Variants in ERCC6L2 observed in about 807,000 individuals in gnomAD.
The protein encoded by ERCC6L2 is ERCC excision repair 6 like 2, also known as DNA excision repair protein ERCC-6-like 2.
A neutral mutation model predicts 132.0 loss-of-function variants in ERCC6L2; 77 were observed. That is an observed-to-expected ratio of 0.58 (90% CI 0.49 to 0.71). The LOEUF is 0.71. ERCC6L2 is among the 30% of genes least tolerant of loss of function. ERCC6L2 has a pLI of 0.00. For synonymous variants in ERCC6L2, 583 were observed against 632.4 expected (o/e 0.92, Z 1.17); for missense variants, 1,542 against 1,837.6 (o/e 0.84, Z 2.94).
chr9:95,937,993 T>C (rs183243289), intron 11 of ERCC6L2, among the ~76,000 whole-genome samples: 176 of 152,130 alleles, frequency 1.2e-3, no homozygotes, highest in Non-Finnish European at 2.1e-3. Context: ...TATTTTGATA[T>C]GTTGTATTTT....
Position 95,986,484 on chromosome 9 carries a change from A to G in ERCC6L2, c.3492+8269A>G, listed in dbSNP as rs1361151301. On this transcript the variant is annotated intron_variant, in intron 17 of 18. Coordinates refer to ENST00000653738, the MANE Select transcript of ERCC6L2 (RefSeq NM_020207.7). ...AGGACAGGGATGTATGATTGTCTTC[A>G]TATATCTCTCTCCTTTTTTTTTTTT... Among the ~76,000 whole-genome samples, 4 of 148,176 alleles carry G rather than the reference A, an allele frequency of 2.7e-5. No homozygotes were observed. In the East Asian group the frequency reaches 7.9e-4, roughly 29 times the overall value.
chr9:95,878,650 C>A (rs1443218027), intron 1 of ERCC6L2, among the ~76,000 whole-genome samples: 1 of 135,056 alleles, frequency 7.4e-6, no homozygotes, highest in East Asian at 2.1e-4. Context: ...AGCTATCCCT[C>A]CCCCCTTCCC....
chr9:95,887,555 A>G (rs947679926), intron 2 of ERCC6L2, among the ~76,000 whole-genome samples: 1 of 152,194 alleles, frequency 6.6e-6, no homozygotes, highest in Non-Finnish European at 1.5e-5. Flanking sequence ...TTTGAGTAGC[A>G]GAGATAGAAT....
chr9:96,038,681 G>A (rs1834546438), intron 19 of ERCC6L2, among the ~76,000 whole-genome samples: 1 of 152,224 alleles, frequency 6.6e-6, no homozygotes, highest in Non-Finnish European at 1.5e-5. Context: ...CAGGAAAGAA[G>A]GGTGACTGCT....
intron 15 of ERCC6L2, 81 bp from the exon 16 acceptor site, chr9:95,971,852 G>A: frequency 1.1e-6 from 1 of 905,004 alleles, no homozygotes; most frequent in Non-Finnish European, 1.5e-6. Flanking sequence ...TAAATTACCT[G>A]CCCAAAGTTG....
At chr9:95,962,807 C>G (rs1013166368) in intron 13 of ERCC6L2, among the ~76,000 whole-genome samples, 3 of 152,120 alleles carry the variant, frequency 2.0e-5, no homozygotes, top group Non-Finnish European at 4.4e-5. Flanking sequence ...CCAAAACTCA[C>G]TTTAGACCTA....
At chr9:96,031,089 A>C (rs1279392909) in intron 19 of ERCC6L2, among the ~76,000 whole-genome samples, 1 of 152,208 alleles carries the variant, frequency 6.6e-6, no homozygotes, top group Non-Finnish European at 1.5e-5. Flanking sequence ...AAAGCACTGC[A>C]TTCATGTCAC....
chr9:95,939,959 T>C (rs1409293955), intron 11 of ERCC6L2, among the ~76,000 whole-genome samples: 3 of 152,140 alleles, frequency 2.0e-5, no homozygotes, highest in Admixed American at 6.6e-5. Context: ...GCCAGCCAAG[T>C]AGGGGTGGAA....
intron 19 of ERCC6L2, among the ~76,000 whole-genome samples, chr9:96,026,905 CACCAA>C (rs1834379698): frequency 8.4e-6 from 1 of 119,282 alleles, no homozygotes; most frequent in Non-Finnish European, 1.8e-5. Flanking sequence ...ACACACACTA[CACCAA>C]ACACACCACA....
intron 18 of ERCC6L2, among the ~76,000 whole-genome samples, chr9:96,009,302 A>T (rs1833956220): frequency 6.6e-6 from 1 of 152,190 alleles, no homozygotes; most frequent in South Asian, 2.1e-4. Flanking sequence ...CCAATTAGGG[A>T]TGTAGAAGTA....
intron 15 of ERCC6L2, among the ~76,000 whole-genome samples, chr9:95,971,230 G>T (rs2133074345): frequency 6.6e-6 from 1 of 152,168 alleles, no homozygotes; most frequent in East Asian, 1.9e-4. Flanking sequence ...CCAGTCCAAT[G>T]AGTTTAAATT....
chr9:95,935,050 C>T (rs557732801), intron 11 of ERCC6L2, among the ~76,000 whole-genome samples: 4 of 152,250 alleles, frequency 2.6e-5, no homozygotes, highest in African/African-American at 9.6e-5. Context: ...TGTTCAACTA[C>T]TAATATCTTC....
Position 95,923,197 on chromosome 9 carries a change from CA to C in ERCC6L2, c.1414-61del. On this transcript the variant is annotated intron_variant, in intron 8 of 18. Transcript: ENST00000653738. Reference sequence around the variant, plus strand: ...AAAGAATTTTTTTCATAAATTATTTCAATTTATACAGGTTTGAATGTGTTAA... The same window carrying C: ...AAAGAATTTTTTTCATAAATTATTTCATTTATACAGGTTTGAATGTGTTAA... The C allele has an allele frequency of 2.0e-6, 3 of 1,509,774 alleles. No individual in the cohort carries two copies. The East Asian group carries it at 7.0e-5, about 35-fold the overall frequency. The allele number at this position is 1,509,774 out of a possible 1,614,324, so 93.5% of individuals were successfully genotyped here. A position where few individuals can be genotyped will look rare whatever the true frequency, so the allele number is the denominator to read the frequency against.
chr9:95,916,540 C>T lies in ERCC6L2; in HGVS notation c.1158+106C>T, dbSNP rs1443044290. 5.3e-6 allele frequency: 5 copies of T among 937,566 alleles called. No homozygotes were observed. In the Admixed American group the frequency reaches 1.4e-4, roughly 27 times the overall value. 58.1% of individuals were successfully genotyped at this position (937,566 alleles called of 1,614,324 possible). On this transcript the variant is annotated intron_variant, in intron 6 of 18. Transcript: ENST00000653738. ...GCATTTTGTAAATACAGTTTTTTGC[C>T]TTTTATTCTGTATGGAAAAAATTGT...
chr9:95,998,580 C>T (rs1833549846), intron 17 of ERCC6L2, among the ~76,000 whole-genome samples: 1 of 152,154 alleles, frequency 6.6e-6, no homozygotes, highest in Non-Finnish European at 1.5e-5. Flanking sequence ...CTGTGCAGAA[C>T]AGTTAGAGAA....
At chr9:95,908,774 A>G (rs937803978) in intron 4 of ERCC6L2, among the ~76,000 whole-genome samples, 2 of 152,216 alleles carry the variant, frequency 1.3e-5, no homozygotes, top group African/African-American at 4.8e-5. Context: ...ATGTTTAGAC[A>G]TTATAGTTAT....
intron 12 of ERCC6L2, 52 bp downstream of exon 12, chr9:95,941,601 A>G (rs1587945290): frequency 7.5e-7 from 1 of 1,330,098 alleles, no homozygotes; most frequent in Non-Finnish European, 1.1e-6. Flanking sequence ...TAATCTAAAA[A>G]TACTCTTGAA....
At chr9:96,023,979 T>A (rs994617617) in intron 19 of ERCC6L2, among the ~76,000 whole-genome samples, 3 of 152,220 alleles carry the variant, frequency 2.0e-5, no homozygotes, top group African/African-American at 7.2e-5. Flanking sequence ...TGGGTATTTC[T>A]CTTTTTCTGG....
intron 11 of ERCC6L2, among the ~76,000 whole-genome samples, chr9:95,934,702 T>A (rs762532726): frequency 1.3e-5 from 2 of 152,160 alleles, no homozygotes; most frequent in Non-Finnish European, 2.9e-5. Context: ...TACAATGCTT[T>A]ATTCATACTT....
Sources: gnomAD v4.1 joint callset for allele counts (sites outside exome capture counted in the v4.1 genomes callset) on GRCh38, gnomAD v4.1.1 for gene constraint, MANE v1.5 for transcripts, NCBI Gene and HGNC (gene_info 2026-07-23, HGNC 2026-07-21) for gene names.